The following NPEPL1 variants were observed in gnomAD, a reference collection of about 807,000 sequenced individuals.
NPEPL1 encodes aminopeptidase like 1, also known as probable aminopeptidase NPEPL1.
NPEPL1 carries 45 observed loss-of-function variants against 52.4 expected under a neutral mutation model. The ratio of observed to expected loss-of-function variants is 0.86; its 90% CI spans 0.68 to 1.10. The LOEUF (loss-of-function observed/expected upper bound fraction) is 1.10, where lower values mean the gene tolerates loss of function less well. Among genes scored for constraint, NPEPL1 ranks in the 50% least tolerant of loss-of-function variants. NPEPL1 has a pLI of 0.00. For synonymous variants in NPEPL1, 360 were observed against 314.7 expected (o/e 1.14, Z -1.52); for missense variants, 696 against 710.9 (o/e 0.98, Z 0.24).
chr20:58,713,786 T>G lies in NPEPL1; in HGVS notation c.1126-131T>G, dbSNP rs2084902727. ...GGCCATGGTCCTTTCTGCCTGTGTT[T>G]TTTCTTTTTTTCTCAACCGTCTCTT... On this transcript the variant is annotated intron_variant, in intron 9 of 11. Transcript: ENST00000356091. This position sits in a 1 kb window ranked among gnomAD's most constrained non-coding sequence, Gnocchi z 4.6. 2 of 1,163,688 alleles carry G rather than the reference T, an allele frequency of 1.7e-6. No individual in the cohort carries two copies. Among genetic ancestry groups the G allele is most frequent in the Admixed American group, 6.7e-5 (2 of 29,778 alleles). The allele number at this position is 1,163,688 out of a possible 1,614,324, so 72.1% of individuals were successfully genotyped here. A position where few individuals can be genotyped will look rare whatever the true frequency, so the allele number is the denominator to read the frequency against.
Position 58,713,327 on chromosome 20 carries a change from C to T in NPEPL1, c.1002-93C>T. The T allele has an allele frequency of 6.9e-7, 1 of 1,444,586 alleles. No individual in the cohort carries two copies. The highest frequency in any genetic ancestry group is 1.4e-5 in the South Asian group (1 of 71,580). 89.5% of individuals were successfully genotyped at this position (1,444,586 alleles called of 1,614,324 possible). On this transcript the variant is annotated intron_variant, in intron 8 of 11. Transcript: ENST00000356091. The surrounding 1 kb of genome is among the most constrained non-coding windows in gnomAD (Gnocchi z 4.6). Reference sequence around the variant, plus strand: ...GGGTTCGGGGAGCCACAGGGATGGGCAGCTCCAAATGGGGTCTCCCCAGTT... The same window carrying T: ...GGGTTCGGGGAGCCACAGGGATGGGTAGCTCCAAATGGGGTCTCCCCAGTT...
intron 6 of NPEPL1, chr20:58,705,714 G>T (rs961922053): frequency 5.5e-6 from 2 of 364,286 alleles, no homozygotes; most frequent in Non-Finnish European, 1.1e-5. Context: ...GCCCAGTCCT[G>T]GCTCCACCTG....
intron 3 of NPEPL1, among the ~76,000 whole-genome samples, chr20:58,696,882 G>C (rs2084504178): frequency 6.6e-6 from 1 of 152,252 alleles, no homozygotes; most frequent in South Asian, 2.1e-4. Flanking sequence ...GGCCACGGCA[G>C]CAAGGGGCAG....
chr20:58,709,856 T>C (rs369230507), intron 7 of NPEPL1, among the ~76,000 whole-genome samples: 6 of 152,204 alleles, frequency 3.9e-5, no homozygotes, highest in African/African-American at 1.4e-4. Context: ...AGGCCAGGCT[T>C]GATGTGTGGT....
chr20:58,701,263 G>C (rs533492507), intron 6 of NPEPL1, 105 bp downstream of exon 6: 1 of 201,824 alleles, frequency 5.0e-6, no homozygotes, highest in East Asian at 1.2e-4. Flanking sequence ...GGGGTGGGGT[G>C]GGGAGGGGAA....
intron 3 of NPEPL1, among the ~76,000 whole-genome samples, chr20:58,697,410 C>G (rs1001899801): frequency 2.0e-4 from 30 of 152,366 alleles, no homozygotes; most frequent in African/African-American, 7.0e-4. Context: ...CCCTCACAGA[C>G]AGAGAACCCG....
chr20:58,703,358 G>A lies in NPEPL1; in HGVS notation c.822+2200G>A, dbSNP rs139330340. 3,800 of 521,870 alleles carry A rather than the reference G, an allele frequency of 7.3e-3. 16 individuals carry two copies. The highest frequency in any genetic ancestry group is 8.8e-3 in the Middle Eastern group (9 of 1,028). 32.3% of individuals were successfully genotyped at this position (521,870 alleles called of 1,614,324 possible). A position where few individuals can be genotyped will look rare whatever the true frequency, so the allele number is the denominator to read the frequency against. ...ATTGCTGACTTTGTTCAGAGATACC[G>A]GCACACGGTGGTAATAAGCAAACTG... is the stretch of plus-strand genomic sequence containing the variant. On this transcript the variant is annotated intron_variant, in intron 6 of 11. Transcript: ENST00000356091.
intron 3 of NPEPL1, among the ~76,000 whole-genome samples, chr20:58,698,158 C>T (rs555817569): frequency 6.6e-6 from 1 of 152,244 alleles, no homozygotes; most frequent in African/African-American, 2.4e-5. Flanking sequence ...CAGGTTCAAG[C>T]ACTCAGGATG....
At chr20:58,700,140 G>A (rs189709579) in intron 5 of NPEPL1, among the ~76,000 whole-genome samples, 1 of 152,362 alleles carries the variant, frequency 6.6e-6, no homozygotes, top group Non-Finnish European at 1.5e-5. Flanking sequence ...GTCTCTGAGC[G>A]AGAGATAGGG....
intron 1 of NPEPL1, chr20:58,693,306 C>T (rs1229859286): frequency 7.2e-5 from 12 of 167,264 alleles, no homozygotes; most frequent in Admixed American, 4.6e-4. Flanking sequence ...GCGACACCTG[C>T]GGACGGCGGG....
In NPEPL1 at chr20:58,697,073, G is replaced by T. The variant is rs1313134655; in HGVS notation, c.508-1611G>T. On this transcript the variant is annotated intron_variant, in intron 3 of 11. Transcript: ENST00000356091. ...GTGGCCTCATCCTCTTCTGTAGCAG[G>T]GACTGGGACTGTGTACTGTGAGTCT... is the stretch of plus-strand genomic sequence containing the variant. Among the ~76,000 whole-genome samples the T allele has an allele frequency of 2.0e-5, 3 of 152,234 alleles. No homozygotes were observed. The South Asian group carries it at 6.2e-4, about 31-fold the overall frequency.
chr20:58,697,270 G>A (rs1428235200), intron 3 of NPEPL1, among the ~76,000 whole-genome samples: 1 of 152,242 alleles, frequency 6.6e-6, no homozygotes, highest in Admixed American at 6.5e-5. Flanking sequence ...CCCTCCCACA[G>A]GAGCGCTCTT....
chr20:58,714,964 C>G, intron 11 of NPEPL1: 1 of 648,126 alleles, frequency 1.5e-6, no homozygotes, highest in Non-Finnish European at 2.6e-6. Context: ...GGCCTTGCCC[C>G]CTGCCTACGC....
At chr20:58,701,262 T>TGGGGA (rs2084613109) in intron 6 of NPEPL1, 104 bp downstream of exon 6, 2 of 7,798 alleles carry the variant, frequency 2.6e-4, no homozygotes, top group Admixed American at 3.2e-3. Flanking sequence ...TGGGGTGGGG[T>TGGGGA]GGGGAGGGGA....
intron 4 of NPEPL1, 139 bp from the exon 5 acceptor site, chr20:58,699,058 C>T: frequency 1.3e-6 from 1 of 789,326 alleles, no homozygotes; most frequent in Non-Finnish European, 2.1e-6. Flanking sequence ...GGTTTCATCA[C>T]ACGCGAAGCT....
upstream of NPEPL1, chr20:58,691,678 T>C (rs1422561136): frequency 5.8e-5 from 47 of 813,936 alleles, no homozygotes; most frequent in South Asian, 6.9e-4. Context: ...GTGCTTTTTT[T>C]TCTTTTTTTC....
At chr20:58,707,717 G>GA (rs1229452983) in intron 7 of NPEPL1, among the ~76,000 whole-genome samples, 5 of 151,338 alleles carry the variant, frequency 3.3e-5, no homozygotes, top group South Asian at 4.2e-4. Context: ...GGGGGGCGTG[G>GA]GGGGGGTGGG....
upstream of NPEPL1, chr20:58,691,920 G>A: frequency 1.2e-6 from 1 of 861,028 alleles, no homozygotes; most frequent in Non-Finnish European, 1.9e-6. Flanking sequence ...CCTGTGGGTG[G>A]GACCCTCCGC....
intron 7 of NPEPL1, among the ~76,000 whole-genome samples, chr20:58,710,412 G>A (rs1451410797): frequency 6.6e-6 from 1 of 152,014 alleles, no homozygotes; most frequent in Non-Finnish European, 1.5e-5. Context: ...TTAGAAAGAG[G>A]ATGTACCATT....
Sources: allele counts gnomAD v4.1 joint callset (sites outside exome capture counted in the v4.1 genomes callset), GRCh38; gene constraint gnomAD v4.1.1; non-coding constraint Gnocchi (gnomAD v3.1); transcripts MANE v1.5; gene names NCBI Gene and HGNC (gene_info 2026-07-23, HGNC 2026-07-21).